LCOR: variants seen among roughly 807,000 people sequenced by gnomAD.
The protein encoded by LCOR is ligand dependent nuclear receptor corepressor.
A neutral mutation model predicts 64.4 loss-of-function variants in LCOR; 14 were observed. That is an observed-to-expected ratio of 0.22 (90% CI 0.14 to 0.34). The LOEUF is 0.34. Ranked by LOEUF, LCOR falls within the 10% of genes least tolerant of loss-of-function variation. The pLI is 1.00. For synonymous variants in LCOR, 643 were observed against 642.5 expected (o/e 1.00, Z -0.01); for missense variants, 1,686 against 1,765.3 (o/e 0.96, Z 0.80).
intron 2 of LCOR, among the ~76,000 whole-genome samples, chr10:96,892,693 G>A (rs973040256): frequency 6.6e-6 from 1 of 152,072 alleles, no homozygotes; most frequent in African/African-American, 2.4e-5. Flanking sequence ...TTTTTGGGGG[G>A]ACTCCAACAG....
intron 4 of LCOR, chr10:96,915,712 C>T (rs1846929816): frequency 1.4e-6 from 1 of 710,980 alleles, no homozygotes; most frequent in East Asian, 2.8e-5. Context: ...TATTCACCTC[C>T]TTGCCAGCAT....
chr10:96,897,537 A>C (rs1023794030), intron 2 of LCOR, among the ~76,000 whole-genome samples: 2 of 152,228 alleles, frequency 1.3e-5, no homozygotes, highest in African/African-American at 4.8e-5. Flanking sequence ...CTAGCTACTC[A>C]CTACCTCTGT....
At position 96,983,194 on chromosome 10, in the gene LCOR, T is replaced by C; in HGVS notation, c.2734T>C (p.Leu912=). 1.2e-6 allele frequency: 2 copies of C among 1,613,986 alleles called. No homozygotes were observed. The highest frequency in any genetic ancestry group is 1.7e-6 in the Non-Finnish European group (2 of 1,180,020). Residue 912 remains leucine (L), a synonymous_variant, in exon 8 of 8, where the codon TTG becomes CTG. Transcript: ENST00000421806. This position sits in a 1 kb window ranked among gnomAD's most constrained non-coding sequence, Gnocchi z 4.5. The part of the protein sequence containing the change: ...EGGGIITRQT[L]KNMLDKEVKE... ...CGGGGGGATCATCACCAGGCAGACT[T>C]TGAAAAACATGCTGGACAAAGAAGT...
chr10:96,934,688 G>A (rs530526982), intron 4 of LCOR, among the ~76,000 whole-genome samples: 5 of 152,096 alleles, frequency 3.3e-5, no homozygotes, highest in African/African-American at 7.2e-5. Flanking sequence ...TGCAACCTCC[G>A]CCTCCTGGGT....
chr10:96,880,896 TTGAG>T (rs1226663391), intron 2 of LCOR, among the ~76,000 whole-genome samples: 1 of 152,230 alleles, frequency 6.6e-6, no homozygotes, highest in Non-Finnish European at 1.5e-5. Context: ...TGAACGCAGT[TTGAG>T]TGACTGTCAA....
chr10:96,940,523 G>A (rs10882858), intron 4 of LCOR, among the ~76,000 whole-genome samples: 6,902 of 112,398 alleles, frequency 0.061, 396 homozygotes, highest in East Asian at 0.27. Flanking sequence ...GACTCTTAAC[G>A]AGCATGCTGC....
At chr10:96,967,567 A>G (rs1298069824) in intron 7 of LCOR, among the ~76,000 whole-genome samples, 3 of 152,246 alleles carry the variant, frequency 2.0e-5, no homozygotes, top group African/African-American at 7.2e-5. Context: ...AATATTTAAA[A>G]TGATAGAAAA....
At chr10:96,936,841 T>C (rs558955596) in intron 4 of LCOR, among the ~76,000 whole-genome samples, 22 of 152,294 alleles carry the variant, frequency 1.4e-4, no homozygotes, top group South Asian at 4.1e-4. Flanking sequence ...CTATGTTTTT[T>C]TCCTGTACAC....
chr10:96,932,145 G>A (rs533137177), intron 4 of LCOR, among the ~76,000 whole-genome samples: 11 of 152,230 alleles, frequency 7.2e-5, no homozygotes, highest in Non-Finnish European at 1.3e-4. Flanking sequence ...CTTCCTAAAT[G>A]CTAAGACTTA....
chr10:96,957,939 A>C (rs1008231595), intron 7 of LCOR: 1 of 986,788 alleles, frequency 1.0e-6, no homozygotes, highest in Non-Finnish European at 1.2e-6. Flanking sequence ...TGATTCTACA[A>C]TATTTTGTCA....
intron 2 of LCOR, among the ~76,000 whole-genome samples, chr10:96,903,492 C>A (rs1846677697): frequency 6.6e-6 from 1 of 151,714 alleles, no homozygotes; most frequent in African/African-American, 2.4e-5. Flanking sequence ...GTAAAAATTG[C>A]TCATTTTCTG....
chr10:96,933,481 A>G (rs1447308418), intron 4 of LCOR, among the ~76,000 whole-genome samples: 1 of 152,238 alleles, frequency 6.6e-6, no homozygotes, highest in East Asian at 1.9e-4. Context: ...TTAAGTTAAT[A>G]TAAAGTTAGT....
At chr10:96,865,079 A>G (rs1225710780) in intron 2 of LCOR, among the ~76,000 whole-genome samples, 1 of 152,200 alleles carries the variant, frequency 6.6e-6, no homozygotes, top group Non-Finnish European at 1.5e-5. Flanking sequence ...GGTAGGGGAA[A>G]TGTGGTTGGT....
At chr10:96,847,927 C>G (rs952983406) in intron 2 of LCOR, among the ~76,000 whole-genome samples, 3 of 152,160 alleles carry the variant, frequency 2.0e-5, no homozygotes, top group Non-Finnish European at 4.4e-5. Flanking sequence ...TTTTTCCCCC[C>G]TTTTCCTGAG....
intron 4 of LCOR, among the ~76,000 whole-genome samples, chr10:96,919,476 C>A (rs1589655544): frequency 1.3e-5 from 2 of 152,050 alleles, no homozygotes; most frequent in Non-Finnish European, 2.9e-5. Context: ...GCATTTTCTT[C>A]ATGGATTGTA....
chr10:96,913,579 A>G (rs1220117956), intron 4 of LCOR, among the ~76,000 whole-genome samples: 2 of 152,212 alleles, frequency 1.3e-5, no homozygotes, highest in Non-Finnish European at 2.9e-5. Flanking sequence ...GTTTAAGACT[A>G]AAGTAAGTTT....
At position 96,985,711 on chromosome 10, in the gene LCOR, A is replaced by G. The variant is rs751516613; in HGVS notation, c.*577A>G. ...GGATTTATAATTATAAAAGATTACTATTTCTGTTACCCCCTTTTAAAAAAG... is the reference window on the plus strand; with the variant it reads ...GGATTTATAATTATAAAAGATTACTGTTTCTGTTACCCCCTTTTAAAAAAG... On this transcript the variant is annotated 3_prime_UTR_variant, in exon 8 of 8. Coordinates refer to ENST00000421806, the MANE Select transcript of LCOR (RefSeq NM_001346516.2). The G allele has an allele frequency of 6.0e-6, 1 of 166,580 alleles. No individual in the cohort carries two copies. Among genetic ancestry groups the G allele is most frequent in the Non-Finnish European group, 1.5e-5 (1 of 68,106 alleles). 10.3% of individuals were successfully genotyped at this position (166,580 alleles called of 1,614,324 possible). A position where few individuals can be genotyped will look rare whatever the true frequency, so the allele number is the denominator to read the frequency against.
intron 2 of LCOR, among the ~76,000 whole-genome samples, chr10:96,849,466 T>TC (rs1406147064): frequency 2.6e-5 from 4 of 152,192 alleles, no homozygotes; most frequent in Non-Finnish European, 5.9e-5. Flanking sequence ...CGCCTCGGCC[T>TC]CCCGAAGTGC....
chr10:96,977,303 C>A (rs1277622636), intron 7 of LCOR, among the ~76,000 whole-genome samples: 1 of 152,178 alleles, frequency 6.6e-6, no homozygotes, highest in East Asian at 1.9e-4. Context: ...CTGCTAAGAT[C>A]AGCCACTGTT....
Sources: gnomAD v4.1 joint callset for allele counts (sites outside exome capture counted in the v4.1 genomes callset) on GRCh38, gnomAD v4.1.1 for gene constraint, Gnocchi (gnomAD v3.1) non-coding constraint, MANE v1.5 for transcripts, NCBI Gene and HGNC (gene_info 2026-07-23, HGNC 2026-07-21) for gene names.